The following CHSY1 variants were observed in gnomAD, a reference collection of about 807,000 sequenced individuals.
CHSY1 encodes chondroitin sulfate synthase 1.
Under a neutral mutation model 59.8 loss-of-function variants are expected in CHSY1, and 13 were observed. The ratio of observed to expected loss-of-function variants is 0.22; its 90% CI spans 0.14 to 0.35. The LOEUF (loss-of-function observed/expected upper bound fraction) is 0.35. Ranked by LOEUF, CHSY1 falls within the 10% of genes least tolerant of loss-of-function variation. CHSY1 has a pLI of 1.00. For synonymous variants in CHSY1, 459 were observed against 401.2 expected (o/e 1.14, Z -1.72); for missense variants, 947 against 1,030.6 (o/e 0.92, Z 1.11).
At chr15:101,192,667 G>C (rs954930314) in intron 2 of CHSY1, among the ~76,000 whole-genome samples, 1 of 129,312 alleles carries the variant, frequency 7.7e-6, no homozygotes, top group Non-Finnish European at 1.7e-5. Context: ...CGCCTCCCTC[G>C]TGGCTCCACA....
chr15:101,187,143 AT>A (rs1057458043), intron 2 of CHSY1, among the ~76,000 whole-genome samples: 1 of 152,246 alleles, frequency 6.6e-6, no homozygotes, highest in Non-Finnish European at 1.5e-5. Flanking sequence ...TTAACAGTTC[AT>A]TTTAGTAACT....
chr15:101,187,860 G>T, intron 2 of CHSY1: 1 of 208,208 alleles, frequency 4.8e-6, no homozygotes, highest in Non-Finnish European at 8.4e-6. Flanking sequence ...CCTGTGAGAT[G>T]TTTCAGGGCT....
At chr15:101,245,760 C>T (rs894833102) in intron 1 of CHSY1, among the ~76,000 whole-genome samples, 1 of 152,196 alleles carries the variant, frequency 6.6e-6, no homozygotes, top group African/African-American at 2.4e-5. Flanking sequence ...AAACTACACT[C>T]ATTTTCAGAG....
intron 2 of CHSY1, among the ~76,000 whole-genome samples, chr15:101,205,947 G>C (rs920686994): frequency 6.7e-6 from 1 of 150,056 alleles, no homozygotes. Flanking sequence ...GAGAGACTCC[G>C]TCTCAAAAAA....
At chr15:101,184,020 T>C (rs985264763) in intron 2 of CHSY1, among the ~76,000 whole-genome samples, 3 of 152,238 alleles carry the variant, frequency 2.0e-5, no homozygotes, top group Non-Finnish European at 4.4e-5. Flanking sequence ...GTCACCTTTT[T>C]TTTACTCCCT....
chr15:101,205,766 AC>A (rs1346411313), intron 2 of CHSY1, among the ~76,000 whole-genome samples: 1 of 152,064 alleles, frequency 6.6e-6, no homozygotes, highest in African/African-American at 2.4e-5. Context: ...CCTGGATAAA[AC>A]GGTGAAACCC....
chr15:101,229,326 T>C (rs2038870824), intron 2 of CHSY1, among the ~76,000 whole-genome samples: 1 of 152,156 alleles, frequency 6.6e-6, no homozygotes, highest in South Asian at 2.1e-4. Flanking sequence ...AGAGACACAC[T>C]TTACATTCAA....
intron 1 of CHSY1, among the ~76,000 whole-genome samples, chr15:101,241,356 T>C (rs916847526): frequency 6.6e-6 from 1 of 152,224 alleles, no homozygotes; most frequent in African/African-American, 2.4e-5. Context: ...CCCAAAGGGC[T>C]GGGATTACCG....
At chr15:101,209,817 T>A (rs2038665945) in intron 2 of CHSY1, among the ~76,000 whole-genome samples, 1 of 152,240 alleles carries the variant, frequency 6.6e-6, no homozygotes, top group South Asian at 2.1e-4. Context: ...GTGGAAGATG[T>A]GAGGACAACA....
chr15:101,176,736 A>C lies in CHSY1; in HGVS notation c.*652T>G. 1 of 223,228 alleles carries C rather than the reference A, an allele frequency of 4.5e-6. No homozygotes were observed. The highest frequency in any genetic ancestry group is 8.6e-6 in the Non-Finnish European group (1 of 115,740). The allele number at this position is 223,228 out of a possible 1,614,324, so 13.8% of individuals were successfully genotyped here. A position where few individuals can be genotyped will look rare whatever the true frequency, so the allele number is the denominator to read the frequency against. On this transcript the variant is annotated 3_prime_UTR_variant, in exon 3 of 3. Coordinates refer to ENST00000254190, the MANE Select transcript of CHSY1 (RefSeq NM_014918.5). ...GCTTGAACCAGGGAAGTGGAGGTTA[A>C]AGTGAGCCAAGATTGCGCCACTGCA... is the stretch of plus-strand genomic sequence containing the variant.
Position 101,229,938 on chromosome 15 carries a change from A to G in CHSY1, c.816+5144T>C, listed in dbSNP as rs553240029. On this transcript the variant is annotated intron_variant, in intron 2 of 2. Transcript: ENST00000254190. The stretch of plus-strand genomic sequence containing the variant: ...AATAATGATGATATTAGAGACTTCA[A>G]TATCCCACTTTTTTTTTTTTTTGAG... Among the ~76,000 whole-genome samples the G allele has an allele frequency of 2.6e-3, 398 of 151,508 alleles. 1 individual carries two copies. The highest frequency in any genetic ancestry group is 0.017 in the Middle Eastern group (5 of 292).
Position 101,251,297 on chromosome 15 carries a change from C to A in CHSY1, c.160G>T (p.Ala54Ser). ...CGCGCCCCGCCGGCCTGGGAAGCCG[C>A]CGCCTGCCCGGACCGGCAGCCCTCG... The part of the protein sequence containing the change: ...SPEGCRSGQA[A>S]ASQAGGARGD... The change falls in exon 1 of 3, where the codon GCG (alanine) becomes TCG (serine). Residue 54 changes from alanine to serine, a missense_variant. Coordinates refer to ENST00000254190, the MANE Select transcript of CHSY1 (RefSeq NM_014918.5). 8.3e-7 allele frequency: 1 copy of A among 1,201,598 alleles called. No homozygotes were observed. The highest frequency in any genetic ancestry group is 3.1e-5 in the South Asian group (1 of 32,490). The allele number at this position is 1,201,598 out of a possible 1,614,324, so 74.4% of individuals were successfully genotyped here.
At chr15:101,200,672 C>T (rs530109586) in intron 2 of CHSY1, among the ~76,000 whole-genome samples, 39 of 152,298 alleles carry the variant, frequency 2.6e-4, no homozygotes, top group African/African-American at 7.7e-4. Context: ...TTCTGCAGCC[C>T]GCAAGCAAGC....
At chr15:101,189,433 C>G in intron 2 of CHSY1, 1 of 985,528 alleles carries the variant, frequency 1.0e-6, no homozygotes, top group Non-Finnish European at 1.2e-6. Context: ...CTTACAGGGA[C>G]AAGGTGGATG....
In CHSY1 at chr15:101,183,530, C is replaced by T. The variant is rs75601467; in HGVS notation, c.817-4550G>A. Among the ~76,000 whole-genome samples, 318 of 152,326 alleles carry T rather than the reference C, an allele frequency of 2.1e-3. 1 individual carries two copies. The highest frequency in any genetic ancestry group is 7.4e-3 in the African/African-American group (307 of 41,570). On this transcript the variant is annotated intron_variant, in intron 2 of 2. Transcript: ENST00000254190. Reference sequence around the variant, plus strand: ...TGAGAACAGCAAAAGATGTCAGATACTCAGGACTCAATTTTACCTTGCACT... The same window carrying T: ...TGAGAACAGCAAAAGATGTCAGATATTCAGGACTCAATTTTACCTTGCACT...
chr15:101,181,565 C>T (rs1012502667), intron 2 of CHSY1, among the ~76,000 whole-genome samples: 3 of 152,198 alleles, frequency 2.0e-5, no homozygotes, highest in African/African-American at 7.2e-5. Flanking sequence ...ATTCCATCTC[C>T]CCATGTATCT....
At chr15:101,239,446 T>C (rs1323297299) in intron 1 of CHSY1, among the ~76,000 whole-genome samples, 1 of 152,188 alleles carries the variant, frequency 6.6e-6, no homozygotes, top group African/African-American at 2.4e-5. Context: ...AATCAGGCCA[T>C]GGGGGCGAGA....
chr15:101,234,360 T>C (rs763543495), intron 2 of CHSY1, among the ~76,000 whole-genome samples: 19 of 152,198 alleles, frequency 1.2e-4, no homozygotes, highest in Non-Finnish European at 2.6e-4. Flanking sequence ...GTTTCTAATC[T>C]GTGTAGGTCA....
At chr15:101,201,426 AG>A (rs1435199986) in intron 2 of CHSY1, among the ~76,000 whole-genome samples, 1 of 152,214 alleles carries the variant, frequency 6.6e-6, no homozygotes, top group Non-Finnish European at 1.5e-5. Context: ...CAGAAGAGAA[AG>A]GCTCACATGA....
Sources: gnomAD v4.1 joint callset for allele counts (sites outside exome capture counted in the v4.1 genomes callset) on GRCh38, gnomAD v4.1.1 for gene constraint, MANE v1.5 for transcripts, NCBI Gene and HGNC (gene_info 2026-07-23, HGNC 2026-07-21) for gene names.